SRL: variants seen among roughly 807,000 people sequenced by gnomAD.
SRL encodes the protein sarcalumenin.
A neutral mutation model predicts 39.5 loss-of-function variants in SRL; 23 were observed. The ratio of observed to expected loss-of-function variants is 0.58; its 90% CI spans 0.42 to 0.82. SRL has a LOEUF of 0.82. Ranked by LOEUF, SRL falls within the 40% of genes least tolerant of loss-of-function variation. The pLI is 0.00. For synonymous variants in SRL, 272 were observed against 237.4 expected, an observed-to-expected ratio of 1.15 and a Z score of -1.34; for missense variants, 592 against 607.8, an observed-to-expected ratio of 0.97 and a Z score of 0.27.
chr16:4,235,163 T>C (rs974162842), intron 1 of SRL, among the ~76,000 whole-genome samples: 1 of 151,964 alleles, frequency 6.6e-6, no homozygotes, highest in African/African-American at 2.4e-5. Context: ...ACTCTGAAGA[T>C]CAACTTTTAG....
At chr16:4,230,733 G>C (rs1242743274) in intron 1 of SRL, among the ~76,000 whole-genome samples, 1 of 152,084 alleles carries the variant, frequency 6.6e-6, no homozygotes, top group Non-Finnish European at 1.5e-5. Context: ...AATGTAATTA[G>C]TTAAGATGAG....
intron 1 of SRL, among the ~76,000 whole-genome samples, chr16:4,234,080 G>C (rs560937253): frequency 6.6e-6 from 1 of 151,794 alleles, no homozygotes; most frequent in South Asian, 2.1e-4. Context: ...CTGCAACTTC[G>C]ACCTCCTAGG....
At chr16:4,240,784 A>C (rs1409015970) in intron 1 of SRL, among the ~76,000 whole-genome samples, 4 of 152,158 alleles carry the variant, frequency 2.6e-5, no homozygotes, top group African/African-American at 9.7e-5. Flanking sequence ...AGAGGGTGGC[A>C]GCGGCTTGGG....
intron 1 of SRL, among the ~76,000 whole-genome samples, chr16:4,225,629 T>C (rs535564085): frequency 6.6e-6 from 1 of 152,050 alleles, no homozygotes; most frequent in Non-Finnish European, 1.5e-5. Flanking sequence ...AATTAAGTTG[T>C]TTACCTTTAA....
chr16:4,239,940 GT>G (rs60150736), intron 1 of SRL, among the ~76,000 whole-genome samples: 7,658 of 152,244 alleles, frequency 0.05, 666 homozygotes, highest in African/African-American at 0.18. Flanking sequence ...TGGAAACCGG[GT>G]AAGGCCCCAC....
At chr16:4,225,708 A>G (rs1009300973) in intron 1 of SRL, among the ~76,000 whole-genome samples, 4 of 151,794 alleles carry the variant, frequency 2.6e-5, no homozygotes, top group Non-Finnish European at 5.9e-5. Context: ...AGCCACTGTC[A>G]TCTCCCACCT....
intron 4 of SRL, among the ~76,000 whole-genome samples, chr16:4,197,324 C>T (rs1164135184): frequency 1.3e-5 from 2 of 151,876 alleles, no homozygotes; most frequent in Non-Finnish European, 1.5e-5. Flanking sequence ...CCTGCCTCAG[C>T]CTCCCAAAGT....
At chr16:4,199,034 C>A (rs1369436438) in intron 3 of SRL, among the ~76,000 whole-genome samples, 1 of 152,176 alleles carries the variant, frequency 6.6e-6, no homozygotes, top group East Asian at 1.9e-4. Flanking sequence ...TCTTCCAGCT[C>A]TTCTCTGGAC....
In SRL at chr16:4,192,041, A is replaced by G. The variant is rs2052071981; in HGVS notation, c.*112T>C. ...GGCCTCAATGAACTCCCAACTCTCC[A>G]CTGTGTAATAATTCCTGCCAGTGTG... On this transcript the variant is annotated 3_prime_UTR_variant, in exon 6 of 6. Transcript: ENST00000399609. This position sits in a 1 kb window ranked among gnomAD's most constrained non-coding sequence, Gnocchi z 4.0. 4.9e-6 allele frequency: 6 copies of G among 1,218,420 alleles called. No individual in the cohort carries two copies. The highest frequency in any genetic ancestry group is 5.8e-6 in the Non-Finnish European group (5 of 866,682). 75.5% of individuals were successfully genotyped at this position (1,218,420 alleles called of 1,614,324 possible).
In SRL at chr16:4,203,516, T is replaced by C. The variant is rs1044269594; in HGVS notation, c.164-255A>G. Among the ~76,000 whole-genome samples the C allele has an allele frequency of 3.6e-4, 55 of 152,164 alleles. 1 individual carries two copies. The highest frequency in any genetic ancestry group is 1.3e-3 in the African/African-American group (55 of 41,440). On this transcript the variant is annotated intron_variant, in intron 2 of 5. Coordinates refer to ENST00000399609, the MANE Select transcript of SRL (RefSeq NM_001098814.2). ...CTTCCTGAACTGTTTGGTTATTTTA[T>C]TTTATTATTTATTTATTTATTTAGA...
chr16:4,236,835 G>C (rs1484278544), intron 1 of SRL, among the ~76,000 whole-genome samples: 1 of 151,892 alleles, frequency 6.6e-6, no homozygotes, highest in Non-Finnish European at 1.5e-5. Context: ...AGTAGAGATG[G>C]GGTTTCACCC....
rs146279174 is a variant in SRL at position 4,231,414 on chromosome 16, G to A, written c.61+10593C>T. 1.0e-3 allele frequency among the ~76,000 whole-genome samples: 156 copies of A among 152,258 alleles called. 1 individual carries two copies. The highest frequency in any genetic ancestry group is 3.1e-3 in the African/African-American group (128 of 41,556). ...ATAGGAACCAACACCTAAGCCTGGC[G>A]CTGTGAGAGCTTCCTGACACCATTT... On this transcript the variant is annotated intron_variant, in intron 1 of 5. Transcript: ENST00000399609.
At chr16:4,232,735 C>T (rs978730667) in intron 1 of SRL, among the ~76,000 whole-genome samples, 16 of 152,190 alleles carry the variant, frequency 1.1e-4, no homozygotes, top group Admixed American at 9.8e-4. Flanking sequence ...TACTCTTGAA[C>T]TCCTGCGGTC....
chr16:4,199,808 T>C (rs892729593), intron 3 of SRL, among the ~76,000 whole-genome samples: 1 of 146,778 alleles, frequency 6.8e-6, no homozygotes, highest in East Asian at 2.1e-4. Flanking sequence ...GCCATTCTCC[T>C]GCCTCAGCCT....
intron 1 of SRL, chr16:4,207,663 G>T (rs61737952): frequency 2.3e-5 from 10 of 432,022 alleles, no homozygotes; most frequent in African/African-American, 2.0e-4. Flanking sequence ...TCCACTGGCA[G>T]TTCCCTCCGT....
At chr16:4,236,051 G>A (rs971064496) in intron 1 of SRL, among the ~76,000 whole-genome samples, 3 of 152,158 alleles carry the variant, frequency 2.0e-5, no homozygotes, top group African/African-American at 2.4e-5. Context: ...TCCAGCCTGC[G>A]CAACAGAGTG....
At chr16:4,202,001 G>A (rs2052240523) in intron 3 of SRL, among the ~76,000 whole-genome samples, 2 of 151,976 alleles carry the variant, frequency 1.3e-5, no homozygotes, top group African/African-American at 4.8e-5. Context: ...ATGTTTCCCA[G>A]GCTGGTCTCA....
intron 1 of SRL, among the ~76,000 whole-genome samples, chr16:4,235,007 G>A (rs970788631): frequency 2.6e-5 from 4 of 152,166 alleles, no homozygotes; most frequent in African/African-American, 7.2e-5. Flanking sequence ...TCTGTGCTGC[G>A]AGTCACCAGC....
intron 1 of SRL, among the ~76,000 whole-genome samples, chr16:4,232,532 A>G (rs1200954428): frequency 1.3e-5 from 2 of 151,832 alleles, no homozygotes; most frequent in East Asian, 3.9e-4. Context: ...TTTTTTTTCA[A>G]CAGAGTCTTG....
Sources: gnomAD v4.1 joint callset for allele counts (sites outside exome capture counted in the v4.1 genomes callset) on GRCh38, gnomAD v4.1.1 for gene constraint, Gnocchi (gnomAD v3.1) non-coding constraint, MANE v1.5 for transcripts, NCBI Gene and HGNC (gene_info 2026-07-23, HGNC 2026-07-21) for gene names.